Variants in LRRN1 observed in about 807,000 individuals in gnomAD.
LRRN1 encodes the protein leucine rich repeat neuronal 1.
A neutral mutation model predicts 45.8 loss-of-function variants in LRRN1; 14 were observed. The ratio of observed to expected loss-of-function variants is 0.31; its 90% CI spans 0.20 to 0.48. LRRN1 has a LOEUF of 0.48. Among genes scored for constraint, LRRN1 ranks in the 20% least tolerant of loss-of-function variants. LRRN1 has a pLI of 0.99. For synonymous variants in LRRN1, 359 were observed against 330.1 expected (o/e 1.09, Z -0.95); for missense variants, 789 against 874.2 (o/e 0.90, Z 1.23).
intron 1 of LRRN1, among the ~76,000 whole-genome samples, chr3:3,833,574 A>G (rs561899391): frequency 1.3e-5 from 2 of 152,132 alleles, no homozygotes; most frequent in East Asian, 1.9e-4. Context: ...CGTGGGTCAC[A>G]CTCTCAACCT....
At chr3:3,820,402 A>G (rs1225584936) in intron 1 of LRRN1, among the ~76,000 whole-genome samples, 1 of 152,174 alleles carries the variant, frequency 6.6e-6, no homozygotes, top group Non-Finnish European at 1.5e-5. Context: ...CCTTTTCTTT[A>G]GGGAATATGG....
chr3:3,846,629 A>G lies in LRRN1; in HGVS notation c.1988A>G (p.His663Arg). 1.2e-6 allele frequency: 2 copies of G among 1,613,888 alleles called. No homozygotes were observed. Among genetic ancestry groups the G allele is most frequent in the Non-Finnish European group, 1.7e-6 (2 of 1,179,972 alleles). ...AKRFKRKNYH[H>R]SLKKYMQKTS... ...AGATTTAAGAGAAAAAACTACCACCACTCATTAAAAAAGTATATGCAAAAA... is the reference window on the plus strand; with the variant it reads ...AGATTTAAGAGAAAAAACTACCACCGCTCATTAAAAAAGTATATGCAAAAA... Residue 663 changes from histidine to arginine, a missense_variant, in exon 2 of 2, where the codon CAC becomes CGC. His to Arg is a conservative substitution (Grantham distance 29). Transcript: ENST00000319331. The surrounding 1 kb of genome is among the most constrained non-coding windows in gnomAD (Gnocchi z 5.7).
chr3:3,826,388 A>G (rs1329576394), intron 1 of LRRN1, among the ~76,000 whole-genome samples: 1 of 152,182 alleles, frequency 6.6e-6, no homozygotes, highest in Admixed American at 6.5e-5. Flanking sequence ...ACAAAGTTAC[A>G]TGACTTGTTC....
intron 1 of LRRN1, among the ~76,000 whole-genome samples, chr3:3,825,634 C>G (rs201507152): frequency 6.6e-6 from 1 of 152,102 alleles, no homozygotes; most frequent in Non-Finnish European, 1.5e-5. Flanking sequence ...GCAAGGCACT[C>G]GAGTTTCATT....
intron 1 of LRRN1, among the ~76,000 whole-genome samples, chr3:3,813,296 C>T (rs1692919112): frequency 6.6e-6 from 1 of 152,164 alleles, no homozygotes; most frequent in African/African-American, 2.4e-5. Context: ...GAGAGATGTA[C>T]TTTTCTGCCT....
chr3:3,811,937 G>A (rs923471254), intron 1 of LRRN1, among the ~76,000 whole-genome samples: 4 of 152,180 alleles, frequency 2.6e-5, no homozygotes, highest in South Asian at 2.1e-4. Context: ...ACTTTGTCAC[G>A]TAATAGCTGT....
chr3:3,835,850 A>T (rs1693498218), intron 1 of LRRN1, among the ~76,000 whole-genome samples: 1 of 152,004 alleles, frequency 6.6e-6, no homozygotes, highest in African/African-American at 2.4e-5. Flanking sequence ...AGAGTGTCCC[A>T]AACATATCGT....
rs114875552 is a variant in LRRN1, at chr3:3,818,662, T to C, written c.-279+18743T>C. 7.1e-4 allele frequency among the ~76,000 whole-genome samples: 108 copies of C among 152,294 alleles called. 1 individual carries two copies. The highest frequency in any genetic ancestry group is 2.5e-3 in the African/African-American group (103 of 41,580). ...CTTCAAACTGTATCTGGTGTGTGACTTTCAAAACATGGGAGGAAAATGATT... is the reference window on the plus strand; with the variant it reads ...CTTCAAACTGTATCTGGTGTGTGACCTTCAAAACATGGGAGGAAAATGATT... On this transcript the variant is annotated intron_variant, in intron 1 of 1. Transcript: ENST00000319331.
chr3:3,825,148 T>C (rs1693190937), intron 1 of LRRN1, among the ~76,000 whole-genome samples: 1 of 152,210 alleles, frequency 6.6e-6, no homozygotes, highest in Admixed American at 6.5e-5. Context: ...TTCTTTTGCT[T>C]TTTACATTTT....
Position 3,799,469 on chromosome 3 carries a change from G to C in LRRN1, c.-729G>C, listed in dbSNP as rs1177814065. Reference sequence around the variant, plus strand: ...GGCGCACCGCGGGCGCCGGCAACGAGCCGGTGAACGAGGCGAGGCCCGTGC... The same window carrying C: ...GGCGCACCGCGGGCGCCGGCAACGACCCGGTGAACGAGGCGAGGCCCGTGC... On this transcript the variant is annotated 5_prime_UTR_variant, in exon 1 of 2. Coordinates refer to ENST00000319331, the MANE Select transcript of LRRN1 (RefSeq NM_020873.7). 6.6e-6 allele frequency: 1 copy of C among 151,936 alleles called. No individual in the cohort carries two copies. Among genetic ancestry groups the C allele is most frequent in the Admixed American group, 6.6e-5 (1 of 15,256 alleles). The allele number at this position is 151,936 out of a possible 1,614,324, so 9.4% of individuals were successfully genotyped here. A position where few individuals can be genotyped will look rare whatever the true frequency, so the allele number is the denominator to read the frequency against.
chr3:3,802,115 A>T (rs1192384422), intron 1 of LRRN1, among the ~76,000 whole-genome samples: 1 of 152,132 alleles, frequency 6.6e-6, no homozygotes, highest in Non-Finnish European at 1.5e-5. Flanking sequence ...AACTGTCCCA[A>T]CCCTAGTTAC....
At position 3,846,357 on chromosome 3, in the gene LRRN1, C is replaced by G; in HGVS notation, c.1716C>G (p.Ala572=). 1 of 1,613,796 alleles carries G rather than the reference C, an allele frequency of 6.2e-7. No homozygotes were observed. The highest frequency in any genetic ancestry group is 8.5e-7 in the Non-Finnish European group (1 of 1,180,012). The change falls in exon 2 of 2, where the codon GCC becomes GCG. Residue 572 remains alanine (A), a synonymous_variant. Transcript: ENST00000319331. This position sits in a 1 kb window ranked among gnomAD's most constrained non-coding sequence, Gnocchi z 5.7. Reference sequence around the variant, plus strand: ...ATAACCCTCACATAACATATACTGCCAGGGTCCCAGTCGATGTCCATGAAT... The same window carrying G: ...ATAACCCTCACATAACATATACTGCGAGGGTCCCAGTCGATGTCCATGAAT... ...KIDNPHITYT[A]RVPVDVHEYN...
At chr3:3,815,736 C>A (rs900702205) in intron 1 of LRRN1, among the ~76,000 whole-genome samples, 3 of 152,104 alleles carry the variant, frequency 2.0e-5, no homozygotes, top group African/African-American at 7.2e-5. Flanking sequence ...TAATAATAAA[C>A]CACCATTAAA....
At chr3:3,810,317 C>A (rs1260146765) in intron 1 of LRRN1, among the ~76,000 whole-genome samples, 1 of 152,154 alleles carries the variant, frequency 6.6e-6, no homozygotes, top group Non-Finnish European at 1.5e-5. Context: ...AGCTTCACCT[C>A]TCTGCCTCCA....
chr3:3,819,541 A>G (rs149541502), intron 1 of LRRN1, among the ~76,000 whole-genome samples: 1 of 152,156 alleles, frequency 6.6e-6, no homozygotes, highest in African/African-American at 2.4e-5. Flanking sequence ...ACAGCTGTGG[A>G]ACTCCAGTCT....
chr3:3,844,933 A>C lies in LRRN1; in HGVS notation c.292A>C (p.Thr98Pro). ...VDELQQLFNL[T>P]ELDFSQNNFT... is the part of the protein sequence containing the mutation. ...TGAGCTGCAGCAGCTTTTCAACTTG[A>C]CTGAACTAGATTTCTCCCAAAACAA... Residue 98 changes from threonine (T) to proline (P), a missense_variant, in exon 2 of 2, where the codon ACT becomes CCT. Transcript: ENST00000319331. 1 of 1,614,134 alleles carries C rather than the reference A, an allele frequency of 6.2e-7. No individual in the cohort carries two copies. The highest frequency in any genetic ancestry group is 8.5e-7 in the Non-Finnish European group (1 of 1,180,026).
intron 1 of LRRN1, among the ~76,000 whole-genome samples, chr3:3,843,574 C>CT (rs1183916069): frequency 2.0e-5 from 3 of 151,464 alleles, no homozygotes; most frequent in African/African-American, 7.3e-5. Context: ...ACTGTACCCC[C>CT]CCCCATACCC....
At chr3:3,800,426 T>C (rs945418708) in intron 1 of LRRN1, among the ~76,000 whole-genome samples, 1 of 151,958 alleles carries the variant, frequency 6.6e-6, no homozygotes, top group African/African-American at 2.4e-5. Flanking sequence ...AAAAAGGGTG[T>C]CTTGGCGGTG....
At chr3:3,835,294 A>G (rs1200089924) in intron 1 of LRRN1, among the ~76,000 whole-genome samples, 1 of 152,236 alleles carries the variant, frequency 6.6e-6, no homozygotes, top group Non-Finnish European at 1.5e-5. Flanking sequence ...ATCATCTACC[A>G]TAAAGTCTGT....
Sources: gnomAD v4.1 joint callset for allele counts (sites outside exome capture counted in the v4.1 genomes callset) on GRCh38, gnomAD v4.1.1 for gene constraint, Gnocchi (gnomAD v3.1) non-coding constraint, MANE v1.5 for transcripts, NCBI Gene and HGNC (gene_info 2026-07-23, HGNC 2026-07-21) for gene names.